The following CC2D2B variants were observed in gnomAD, a reference collection of about 807,000 sequenced individuals.
CC2D2B encodes the protein coiled-coil and C2 domain containing 2B.
A neutral mutation model predicts 161.2 loss-of-function variants in CC2D2B; 128 were observed. The ratio of observed to expected loss-of-function variants is 0.79; its 90% CI spans 0.69 to 0.92. The LOEUF is 0.92. Among genes scored for constraint, CC2D2B ranks in the 40% least tolerant of loss-of-function variants. The pLI is 0.00. For missense variants in CC2D2B, 1,173 were observed against 1,375.1 expected, an observed-to-expected ratio of 0.85 and a Z score of 2.32; for synonymous variants, 391 against 449.8, an observed-to-expected ratio of 0.87 and a Z score of 1.65.
chr10:96,013,660 T>C (rs932694730), intron 28 of CC2D2B, 128 bp from the exon 29 acceptor site: 9 of 540,584 alleles, frequency 1.7e-5, no homozygotes, highest in Non-Finnish European at 2.6e-5. Flanking sequence ...TCTTCTGTAA[T>C]ACTAGAATAA....
In CC2D2B at chr10:95,947,082, A is replaced by ATAT. The variant is rs2076223662; in HGVS notation, c.802-2814_802-2813insTAT. Among the ~76,000 whole-genome samples, 39 of 39,476 alleles carry ATAT rather than the reference A, an allele frequency of 9.9e-4. 3 individuals are homozygous for ATAT. The highest frequency in any genetic ancestry group is 1.8e-3 in the Non-Finnish European group (33 of 18,706). 25.9% of individuals were successfully genotyped at this position (39,476 alleles called of 152,430 possible). ...ATAAATTCCAAATAGTGGACTCAAA[A>ATAT]ATATATATATATATATATATATATA... On this transcript the variant is annotated intron_variant, in intron 9 of 34. Transcript: ENST00000646931.
intron 34 of CC2D2B, among the ~76,000 whole-genome samples, chr10:96,029,072 A>G (rs1308047730): frequency 6.6e-6 from 1 of 151,814 alleles, no homozygotes; most frequent in Non-Finnish European, 1.5e-5. Context: ...CAGGGTAACT[A>G]TAGTCAATCA....
chr10:96,030,528 G>A (rs2080021535), intron 34 of CC2D2B, among the ~76,000 whole-genome samples: 1 of 152,018 alleles, frequency 6.6e-6, no homozygotes, highest in Non-Finnish European at 1.5e-5. Flanking sequence ...AGGTGGGGAG[G>A]GAGGGATCTA....
At position 96,016,994 on chromosome 10, in the gene CC2D2B, A is replaced by C. The variant is rs189273785; in HGVS notation, c.3630+680A>C. 8.5e-4 allele frequency among the ~76,000 whole-genome samples: 130 copies of C among 152,334 alleles called. 1 individual carries two copies. The highest frequency in any genetic ancestry group is 4.1e-4 in the Non-Finnish European group (28 of 68,030). ...TGGTCTCCCAAAGTGCTGGGATTAC[A>C]GGCATGAGCCACTGTGCCCAGCCCA... On this transcript the variant is annotated intron_variant, in intron 30 of 34. Coordinates refer to ENST00000646931, the MANE Select transcript of CC2D2B (RefSeq NM_001349008.3).
At chr10:95,941,417 G>A (rs2076017538) in intron 9 of CC2D2B, among the ~76,000 whole-genome samples, 1 of 152,008 alleles carries the variant, frequency 6.6e-6, no homozygotes, top group African/African-American at 2.4e-5. Context: ...CCTATGGAAT[G>A]GGAGAAAATA....
chr10:95,970,383 A>G (rs749541114), intron 15 of CC2D2B, among the ~76,000 whole-genome samples: 4 of 152,116 alleles, frequency 2.6e-5, no homozygotes, highest in African/African-American at 4.8e-5. Flanking sequence ...ACTTCAGCCA[A>G]ACTGAGCTGC....
chr10:95,908,852 G>A (rs1400294419), intron 1 of CC2D2B, among the ~76,000 whole-genome samples: 3 of 151,408 alleles, frequency 2.0e-5, no homozygotes, highest in Non-Finnish European at 2.9e-5. Context: ...TATAAATCTT[G>A]TAATTCACCT....
intron 29 of CC2D2B, 68 bp downstream of exon 29, chr10:96,013,945 AT>A: frequency 1.4e-6 from 1 of 724,892 alleles, no homozygotes; most frequent in Non-Finnish European, 2.0e-6. Context: ...CCTTTTAAAA[AT>A]ATTATGTATT....
chr10:96,012,149 T>C (rs561230109), intron 26 of CC2D2B, 36 bp from the exon 27 acceptor site: 1 of 583,210 alleles, frequency 1.7e-6, no homozygotes, highest in Admixed American at 3.4e-5. Context: ...TTTATTTTCA[T>C]CATGCATAAT....
intron 9 of CC2D2B, among the ~76,000 whole-genome samples, chr10:95,944,148 A>G (rs775558577): frequency 6.6e-6 from 1 of 152,172 alleles, no homozygotes; most frequent in Non-Finnish European, 1.5e-5. Context: ...CAGTCACTGT[A>G]TGCTTTTAGG....
chr10:95,918,231 C>G (rs1360840326), intron 2 of CC2D2B, among the ~76,000 whole-genome samples: 1 of 152,196 alleles, frequency 6.6e-6, no homozygotes, highest in Non-Finnish European at 1.5e-5. Context: ...CAGATGATTT[C>G]TTACTGCTCA....
chr10:96,006,315 T>G lies in CC2D2B; in HGVS notation c.2946+2067T>G, dbSNP rs2078747061. On this transcript the variant is annotated intron_variant, in intron 25 of 34. Coordinates refer to ENST00000646931, the MANE Select transcript of CC2D2B (RefSeq NM_001349008.3). Reference sequence around the variant, plus strand: ...TATTTTATATTTAGTGACTTATTTTTTATTTTATATATGTAATATATATTA... The same window carrying G: ...TATTTTATATTTAGTGACTTATTTTGTATTTTATATATGTAATATATATTA... Among the ~76,000 whole-genome samples the G allele has an allele frequency of 2.0e-5, 3 of 148,710 alleles. No individual in the cohort carries two copies. In the Admixed American group the frequency reaches 2.0e-4, roughly 10 times the overall value.
intron 22 of CC2D2B, among the ~76,000 whole-genome samples, chr10:95,993,899 AATGTGT>A (rs1564649234): frequency 5.4e-5 from 3 of 55,476 alleles, no homozygotes; most frequent in African/African-American, 1.3e-4. Flanking sequence ...AGAGAGAGAG[AATGTGT>A]GTGTGTGTGT....
chr10:96,000,610 C>T (rs1193112138), intron 24 of CC2D2B, among the ~76,000 whole-genome samples: 3 of 152,080 alleles, frequency 2.0e-5, no homozygotes, highest in Admixed American at 2.0e-4. Context: ...ATGATCCTCC[C>T]GCCTCGGCCT....
chr10:96,029,194 A>G (rs573612123), intron 34 of CC2D2B, among the ~76,000 whole-genome samples: 1 of 143,232 alleles, frequency 7.0e-6, no homozygotes, highest in East Asian at 2.1e-4. Flanking sequence ...TGTGACTACT[A>G]TGCATTGCAT....
intron 1 of CC2D2B, among the ~76,000 whole-genome samples, chr10:95,911,020 A>T (rs984724092): frequency 2.0e-5 from 3 of 152,082 alleles, no homozygotes; most frequent in Non-Finnish European, 4.4e-5. Context: ...TGGGTTTTTC[A>T]TGTATAAAAA....
At chr10:96,009,042 C>A (rs973570702) in intron 25 of CC2D2B, among the ~76,000 whole-genome samples, 11 of 151,940 alleles carry the variant, frequency 7.2e-5, no homozygotes, top group African/African-American at 2.7e-4. Flanking sequence ...TATAAAATAT[C>A]TCTCTTTATT....
intron 22 of CC2D2B, among the ~76,000 whole-genome samples, chr10:95,994,530 A>C (rs1276033011): frequency 6.6e-6 from 1 of 152,202 alleles, no homozygotes; most frequent in African/African-American, 2.4e-5. Context: ...CCAGCCTTCC[A>C]CAAGAAGCTG....
intron 34 of CC2D2B, among the ~76,000 whole-genome samples, chr10:96,029,281 T>C (rs1353245874): frequency 4.9e-5 from 3 of 60,814 alleles, no homozygotes; most frequent in African/African-American, 2.0e-4. Flanking sequence ...TATATATATA[T>C]ATATGTATAT....
Sources: gnomAD v4.1 joint callset for allele counts (sites outside exome capture counted in the v4.1 genomes callset) on GRCh38, gnomAD v4.1.1 for gene constraint, MANE v1.5 for transcripts, NCBI Gene and HGNC (gene_info 2026-07-23, HGNC 2026-07-21) for gene names.